Variants in LTBP3 observed in about 807,000 individuals in gnomAD.
The protein encoded by LTBP3 is latent transforming growth factor beta binding protein 3.
LTBP3 carries 97 observed loss-of-function variants against 159.7 expected under a neutral mutation model. That is an observed-to-expected ratio of 0.61 (90% confidence interval 0.52 to 0.72). The LOEUF (loss-of-function observed/expected upper bound fraction) is 0.72, where lower values mean the gene tolerates loss of function less well. LTBP3 is among the 30% of genes least tolerant of loss of function. The probability of loss-of-function intolerance (pLI) is 0.00; values close to 1 mark genes in which losing one functional copy is unlikely to be tolerated. For synonymous variants in LTBP3, 824 were observed against 777.1 expected, an observed-to-expected ratio of 1.06 and a Z score of -1.00; for missense variants, 1,584 against 1,864.3, an observed-to-expected ratio of 0.85 and a Z score of 2.77.
chr11:65,552,279 C>T lies in LTBP3; in HGVS notation c.1314G>A (p.Ala438=), dbSNP rs140740739. The T allele has an allele frequency of 1.4e-3, 2,193 of 1,614,112 alleles. 4 individuals are homozygous for T. Among genetic ancestry groups the T allele is most frequent in the Non-Finnish European group, 1.7e-3 (1,973 of 1,180,002 alleles). Residue 438 remains alanine, a synonymous_variant, in exon 7 of 28, where the codon GCG becomes GCA. Transcript: ENST00000301873. The surrounding 1 kb of genome is among the most constrained non-coding windows in gnomAD (Gnocchi z 6.0). ...CCCSVGKAWG[A]RCQRCPTDGT... is the part of the protein sequence containing the mutation. ...CATCTGTTGGGCAGCGCTGACACCGCGCGCCCCAGGCCTTGCCGACACTGC... is the reference window on the plus strand; with the variant it reads ...CATCTGTTGGGCAGCGCTGACACCGTGCGCCCCAGGCCTTGCCGACACTGC...
Position 65,553,116 on chromosome 11 carries a change from A to ATGGC in LTBP3, c.1063+44_1063+47dup. 1 of 1,606,204 alleles carries ATGGC rather than the reference A, an allele frequency of 6.2e-7. No homozygotes were observed. The highest frequency in any genetic ancestry group is 1.1e-5 in the South Asian group (1 of 90,928). On this transcript the variant is annotated intron_variant, in intron 5 of 27. Transcript: ENST00000301873. The surrounding 1 kb of genome is among the most constrained non-coding windows in gnomAD (Gnocchi z 6.5). ...CTTGGGACCCTCCCCACCCCCAGTGATGGCTGGCCTGCCCCTCCAGCCCAC... is the reference window on the plus strand; with the variant it reads ...CTTGGGACCCTCCCCACCCCCAGTGATGGCTGGCTGGCCTGCCCCTCCAGCCCAC...
rs755104465 is a variant in LTBP3 at position 65,538,615 on chromosome 11, T to A, written c.*465A>T. The A allele has an allele frequency of 3.8e-6, 6 of 1,584,608 alleles. No homozygotes were observed. Among genetic ancestry groups the A allele is most frequent in the Non-Finnish European group, 5.1e-6 (6 of 1,165,920 alleles). On this transcript the variant is annotated 3_prime_UTR_variant, in exon 28 of 28. Transcript: ENST00000301873. ...CTGCGGAGAGCCCGCCCCACAGATGTATTTATTGTACAAACCATGTGAGCC... is the reference window on the plus strand; with the variant it reads ...CTGCGGAGAGCCCGCCCCACAGATGAATTTATTGTACAAACCATGTGAGCC...
chr11:65,553,299 A>G lies in LTBP3; in HGVS notation c.971-43T>C. The G allele has an allele frequency of 8.4e-6, 12 of 1,426,120 alleles. No homozygotes were observed. The highest frequency in any genetic ancestry group is 1.1e-5 in the Non-Finnish European group (12 of 1,052,498). The allele number at this position is 1,426,120 out of a possible 1,614,324, so 88.3% of individuals were successfully genotyped here. A position where few individuals can be genotyped will look rare whatever the true frequency, so the allele number is the denominator to read the frequency against. On this transcript the variant is annotated intron_variant, in intron 4 of 27. Transcript: ENST00000301873. This position sits in a 1 kb window ranked among gnomAD's most constrained non-coding sequence, Gnocchi z 6.5. The stretch of plus-strand genomic sequence containing the variant: ...CTTGGCAGGGGAGGGTGAGGAGGGA[A>G]CTGGGGAGGGGCACAGCAGATGTAG...
rs1856864982 is a variant in LTBP3, at chr11:65,557,872, G to A, written c.88C>T (p.Leu30=). Residue 30 remains leucine, a synonymous_variant, in exon 1 of 28, where the codon CTG becomes TTG. Transcript: ENST00000301873. Reference sequence around the variant, plus strand: ...CCCAGGCCCAGCAGCAGCAGCAGCAGCAGCAGCAGCAGCGCCAGCAGCCCC... The same window carrying A: ...CCCAGGCCCAGCAGCAGCAGCAGCAACAGCAGCAGCAGCGCCAGCAGCCCC... ...AAGLLALLLL[L]LLLLLGLGGR... is the part of the protein sequence containing the mutation. The A allele has an allele frequency of 2.3e-6, 3 of 1,321,898 alleles. No individual in the cohort carries two copies. The highest frequency in any genetic ancestry group is 1.9e-6 in the Non-Finnish European group (2 of 1,028,416). 81.9% of individuals were successfully genotyped at this position (1,321,898 alleles called of 1,614,324 possible).
At position 65,540,146 on chromosome 11, in the gene LTBP3, G is replaced by C. The variant is rs765891223; in HGVS notation, c.3252C>G (p.Asp1084Glu). 2 of 1,530,378 alleles carry C rather than the reference G, an allele frequency of 1.3e-6. No individual in the cohort carries two copies. The highest frequency in any genetic ancestry group is 1.8e-6 in the Non-Finnish European group (2 of 1,141,304). 94.8% of individuals were successfully genotyped at this position (1,530,378 alleles called of 1,614,324 possible). The change falls in exon 24 of 28, where the codon GAC (aspartate) becomes GAG (glutamate). Residue 1084 changes from aspartate to glutamate, a missense_variant. By Grantham distance (45) the Asp-to-Glu change is conservative. This residue lies in a region of LTBP3 where 514 missense variants were observed against 530.3 expected (regional missense o/e 0.97). Coordinates refer to ENST00000301873, the MANE Select transcript of LTBP3 (RefSeq NM_001130144.3). ...QCLSPEEMDVDECQDPAACRP... is the reference protein window; with the variant it reads ...QCLSPEEMDVEECQDPAACRP... Reference sequence around the variant, plus strand: ...GGCAGGCTGCCGGGTCCTGGCACTCGTCCACGTCTACGAACAGCGAGGGGG... The same window carrying C: ...GGCAGGCTGCCGGGTCCTGGCACTCCTCCACGTCTACGAACAGCGAGGGGG...
At position 65,543,236 on chromosome 11, in the gene LTBP3, G is replaced by A. The variant is rs200809914; in HGVS notation, c.2477-12C>T. The A allele has an allele frequency of 1.2e-5, 20 of 1,614,090 alleles. No homozygotes were observed. The East Asian group carries it at 3.6e-4, about 29-fold the overall frequency. ...ACACTCATCAATGTCTGTAGGGGAT[G>A]GAAGGGGTGGAGAATCTCAGGGGCT... On this transcript the variant is annotated splice_polypyrimidine_tract_variant and intron_variant, in intron 17 of 27. Transcript: ENST00000301873.
rs1474660071 is a variant in LTBP3, at chr11:65,546,589, G to T, written c.2231-25C>A. ...TCTGCGGCGGAAAGACCTAGCCTCG[G>T]ACTCTGCCCCACCGGAAGGCGGACC... On this transcript the variant is annotated intron_variant, in intron 15 of 27. Transcript: ENST00000301873. This position sits in a 1 kb window ranked among gnomAD's most constrained non-coding sequence, Gnocchi z 4.0. The T allele has an allele frequency of 5.0e-6, 8 of 1,600,088 alleles. No homozygotes were observed. In the Admixed American group the frequency reaches 8.3e-5, roughly 17 times the overall value.
chr11:65,547,307 G>T lies in LTBP3; in HGVS notation c.2107+132C>A, dbSNP rs186511849. The T allele has an allele frequency of 0.022, 24,056 of 1,090,848 alleles. 384 individuals are homozygous for T. Among genetic ancestry groups the T allele is most frequent in the Middle Eastern group, 0.057 (198 of 3,502 alleles). 67.6% of individuals were successfully genotyped at this position (1,090,848 alleles called of 1,614,324 possible). The stretch of plus-strand genomic sequence containing the variant: ...TGCAGTGAGCCAAGATCTCACCACC[G>T]CACTCCAGCCTGGGCGACAGAGTGA... On this transcript the variant is annotated intron_variant, in intron 14 of 27. Coordinates refer to ENST00000301873, the MANE Select transcript of LTBP3 (RefSeq NM_001130144.3). The surrounding 1 kb of genome is among the most constrained non-coding windows in gnomAD (Gnocchi z 4.6).
chr11:65,544,298 A>C, intron 16 of LTBP3: 1 of 153,074 alleles, frequency 6.5e-6, no homozygotes. Context: ...CTTCTCTCTC[A>C]CAGGGCTTGG....
At chr11:65,543,662 CAGA>C in intron 16 of LTBP3, 113 bp from the exon 17 acceptor site, 1 of 1,367,956 alleles carries the variant, frequency 7.3e-7, no homozygotes, top group Non-Finnish European at 1.0e-6. Flanking sequence ...CAGCAGCACT[CAGA>C]AGCACAGGCC....
chr11:65,547,852 A>T lies in LTBP3; in HGVS notation c.1847-31T>A, dbSNP rs747507725. On this transcript the variant is annotated intron_variant, in intron 12 of 27. Transcript: ENST00000301873. This position sits in a 1 kb window ranked among gnomAD's most constrained non-coding sequence, Gnocchi z 4.6. The stretch of plus-strand genomic sequence containing the variant: ...AAGAACGGGTAGGCCAAGAAAAGTC[A>T]AAGGAAGCGTCGTTATCTGGGGTCC... 2.5e-6 allele frequency: 4 copies of T among 1,613,230 alleles called. No individual in the cohort carries two copies. Among genetic ancestry groups the T allele is most frequent in the Middle Eastern group, 1.6e-4 (1 of 6,062 alleles).
intron 1 of LTBP3, among the ~76,000 whole-genome samples, chr11:65,556,211 C>T (rs1468467422): frequency 1.3e-5 from 2 of 152,158 alleles, no homozygotes; most frequent in Non-Finnish European, 2.9e-5. Context: ...CATCCTGACA[C>T]CAACACAGGT....
chr11:65,541,618 C>A lies in LTBP3; in HGVS notation c.2707G>T (p.Asp903Tyr). ...VCDEGFTPTQ[D>Y]QHGCEEVEQP... ...CACTCACCCTCACAACCGTGCTGGT[C>A]CTGGGTGGGAGTGAAGCCCTCATCG... Residue 903 changes from aspartate to tyrosine, a missense_variant, in exon 19 of 28, where the codon GAC becomes TAC. By Grantham distance (160) the Asp-to-Tyr change is radical (BLOSUM62 -3). Transcript: ENST00000301873. 1 of 1,614,138 alleles carries A rather than the reference C, an allele frequency of 6.2e-7. No individual in the cohort carries two copies. The highest frequency in any genetic ancestry group is 1.3e-5 in the African/African-American group (1 of 75,038).
chr11:65,545,611 G>A (rs934031517), intron 16 of LTBP3: 3 of 230,162 alleles, frequency 1.3e-5, no homozygotes, highest in African/African-American at 2.2e-5. Context: ...CAATATCATC[G>A]TCTCATGGCC....
intron 11 of LTBP3, 83 bp from the exon 12 acceptor site, chr11:65,548,128 T>A: frequency 6.3e-7 from 1 of 1,597,274 alleles, no homozygotes; most frequent in East Asian, 2.2e-5. Flanking sequence ...AACACCCCAG[T>A]CACACCATGA....
In LTBP3 at chr11:65,539,466, G is replaced by C; in HGVS notation, c.3629-7C>G. On this transcript the variant is annotated splice_region_variant and splice_polypyrimidine_tract_variant and intron_variant, in intron 26 of 27. Transcript: ENST00000301873. Reference sequence around the variant, plus strand: ...TCCTCTGAACTGTCCTCATCTGCGTGGCCCGGAACAATATGGACTTCAACA... The same window carrying C: ...TCCTCTGAACTGTCCTCATCTGCGTCGCCCGGAACAATATGGACTTCAACA... 6.4e-7 allele frequency: 1 copy of C among 1,573,058 alleles called. No homozygotes were observed. The highest frequency in any genetic ancestry group is 1.2e-5 in the South Asian group (1 of 86,218).
chr11:65,539,711 C>G lies in LTBP3; in HGVS notation c.3547+9G>C, dbSNP rs377361170. 1.9e-6 allele frequency: 3 copies of G among 1,558,482 alleles called. No individual in the cohort carries two copies. The highest frequency in any genetic ancestry group is 2.6e-6 in the Non-Finnish European group (3 of 1,159,028). ...TCGCTCCCGGCCAACTCCTCCCCGA[C>G]TGCCTTACCCGCGCCGCGCGGCGGG... On this transcript the variant is annotated intron_variant, in intron 25 of 27. Coordinates refer to ENST00000301873, the MANE Select transcript of LTBP3 (RefSeq NM_001130144.3).
In LTBP3 at chr11:65,541,130, G is replaced by A. The variant is rs75311576; in HGVS notation, c.2889C>T (p.Ser963=). 634 of 1,612,902 alleles carry A rather than the reference G, an allele frequency of 3.9e-4. 2 individuals are homozygous for A. The African/African-American group carries it at 7.8e-3, about 20-fold the overall frequency. The part of the protein sequence containing the change: ...HCEIYPCPVY[S]SAEFHSLCPD... Reference sequence around the variant, plus strand: ...GGGGCCTGCCCGGCTCCTGACCTGAGCTGTAGACTGGGCAGGGGTAGATTT... The same window carrying A: ...GGGGCCTGCCCGGCTCCTGACCTGAACTGTAGACTGGGCAGGGGTAGATTT... Residue 963 remains serine, a synonymous_variant, in exon 20 of 28, where the codon AGC becomes AGT. Transcript: ENST00000301873.
intron 1 of LTBP3, 69 bp downstream of exon 1, chr11:65,557,560 C>A: frequency 6.3e-7 from 1 of 1,595,808 alleles, no homozygotes; most frequent in Non-Finnish European, 8.5e-7. Context: ...AGGCCAAGAC[C>A]CCACTAGCTC....
Sources: gnomAD v4.1 joint callset for allele counts (sites outside exome capture counted in the v4.1 genomes callset) on GRCh38, gnomAD v4.1.1 for gene constraint, gnomAD v4.1.1 regional missense constraint, Gnocchi (gnomAD v3.1) non-coding constraint, MANE v1.5 for transcripts, NCBI Gene and HGNC (gene_info 2026-07-23, HGNC 2026-07-21) for gene names.